The following NUP43 variants were observed in gnomAD, a reference collection of about 807,000 sequenced individuals.
The protein encoded by NUP43 is nucleoporin 43.
NUP43 carries 32 observed loss-of-function variants against 47.3 expected under a neutral mutation model. The ratio of observed to expected loss-of-function variants is 0.68; its 90% confidence interval spans 0.51 to 0.91. The LOEUF (loss-of-function observed/expected upper bound fraction) is 0.91. NUP43 is among the 40% of genes least tolerant of loss of function. The pLI, the probability that NUP43 is intolerant of heterozygous loss-of-function variation, is 0.00. For synonymous variants in NUP43, 147 were observed against 158.4 expected, an observed-to-expected ratio of 0.93 and a Z score of 0.54; for missense variants, 444 against 453.9, an observed-to-expected ratio of 0.98 and a Z score of 0.20.
Position 149,731,682 on chromosome 6 carries a change from C to G in NUP43, c.844G>C (p.Glu282Gln). ...SNPEHLFTCSEDGSLWHWDAS... is the reference protein window; with the variant it reads ...SNPEHLFTCSQDGSLWHWDAS... ...TCCCAGTGCCAGAGGGATCCATCTT[C>G]AGAGCAGGTAAAAAGATGTTCTGGG... The change falls in exon 7 of 8, where the codon GAA (glutamate) becomes CAA (glutamine). Residue 282 changes from glutamate to glutamine, a missense_variant. By Grantham distance (29) the Glu-to-Gln change is conservative. Transcript: ENST00000340413. 2.5e-6 allele frequency: 4 copies of G among 1,613,574 alleles called. No homozygotes were observed. The highest frequency in any genetic ancestry group is 3.4e-6 in the Non-Finnish European group (4 of 1,179,722).
chr6:149,734,476 A>G (rs1355259176), intron 6 of NUP43, among the ~76,000 whole-genome samples: 1 of 151,800 alleles, frequency 6.6e-6, no homozygotes, highest in Non-Finnish European at 1.5e-5. Context: ...CTGCATTCCA[A>G]CCTGGGTGAG....
At chr6:149,742,604 A>G in intron 3 of NUP43, 34 bp from the exon 4 acceptor site, 1 of 1,555,698 alleles carries the variant, frequency 6.4e-7, no homozygotes, top group African/African-American at 1.4e-5. Context: ...TATTAAAGCA[A>G]AGTACTAAGG....
Position 149,731,738 on chromosome 6 carries a change from AAG to A in NUP43, c.791-5_791-4del, listed in dbSNP as rs1785056131. 2 of 1,613,268 alleles carry A rather than the reference AAG, an allele frequency of 1.2e-6. No homozygotes were observed. Among genetic ancestry groups the A allele is most frequent in the Admixed American group, 1.7e-5 (1 of 59,864 alleles). The stretch of plus-strand genomic sequence containing the variant: ...TGGGTGAAAGTGAACTTCCCACACT[AAG>A]AGACAAGAATCAATAAGCTCATTCC... On this transcript the variant is annotated splice_polypyrimidine_tract_variant and splice_region_variant and intron_variant, in intron 6 of 7. Coordinates refer to ENST00000340413, the MANE Select transcript of NUP43 (RefSeq NM_198887.3).
At chr6:149,737,065 T>C (rs980108399) in intron 5 of NUP43, among the ~76,000 whole-genome samples, 6 of 151,954 alleles carry the variant, frequency 3.9e-5, no homozygotes, top group Admixed American at 2.0e-4. Flanking sequence ...CCAAGGCAGG[T>C]GGATGACTTG....
upstream of NUP43, among the ~76,000 whole-genome samples, chr6:149,747,363 T>C (rs1000578883): frequency 1.3e-5 from 2 of 152,036 alleles, no homozygotes; most frequent in African/African-American, 2.4e-5. Flanking sequence ...CTGCAACCTC[T>C]GCCTCCGCCT....
At position 149,727,061 on chromosome 6, in the gene NUP43, G is replaced by GAGACCT; in HGVS notation, c.1045_1050dup (p.Arg349_Ser350dup). Reference sequence around the variant, plus strand: ...AAAACATCCAAAGTGTTCACAGACAGAGACCTACTGGGAAGTAAGCTTGTG... The same window carrying GAGACCT: ...AAAACATCCAAAGTGTTCACAGACAGAGACCTAGACCTACTGGGAAGTAAGCTTGTG... On this transcript the variant is annotated inframe_insertion, in exon 8 of 8. Transcript: ENST00000340413. The GAGACCT allele has an allele frequency of 6.2e-7, 1 of 1,614,158 alleles. No individual in the cohort carries two copies. The highest frequency in any genetic ancestry group is 8.5e-7 in the Non-Finnish European group (1 of 1,180,012).
chr6:149,732,962 C>T (rs941418156), intron 6 of NUP43, among the ~76,000 whole-genome samples: 2 of 151,802 alleles, frequency 1.3e-5, no homozygotes, highest in African/African-American at 4.8e-5. Context: ...ATGTTGTCTA[C>T]CTTGGTCTTC....
At chr6:149,744,053 C>G (rs1028772561) in intron 2 of NUP43, among the ~76,000 whole-genome samples, 1 of 152,072 alleles carries the variant, frequency 6.6e-6, no homozygotes, top group African/African-American at 2.4e-5. Context: ...GTGGACGGAT[C>G]ACTTGAGCTC....
chr6:149,744,854 C>T lies in NUP43; in HGVS notation c.243+1086G>A, dbSNP rs1054993450. 6.6e-5 allele frequency among the ~76,000 whole-genome samples: 10 copies of T among 151,542 alleles called. No homozygotes were observed. The South Asian group carries it at 1.0e-3, about 16-fold the overall frequency. ...TCGTCTCCAAAAAAAAAAAATGTAT[C>T]TTTCCTAGAGCTAGATAGCTTTCTT... On this transcript the variant is annotated intron_variant, in intron 2 of 7. Coordinates refer to ENST00000340413, the MANE Select transcript of NUP43 (RefSeq NM_198887.3).
chr6:149,729,163 G>A (rs949370907), intron 7 of NUP43, among the ~76,000 whole-genome samples: 1 of 151,974 alleles, frequency 6.6e-6, no homozygotes, highest in Non-Finnish European at 1.5e-5. Flanking sequence ...GCTAATTTTT[G>A]TATTTTTAGT....
chr6:149,742,278 G>A (rs1156444319), intron 4 of NUP43, 112 bp downstream of exon 4: 12 of 898,690 alleles, frequency 1.3e-5, no homozygotes, highest in African/African-American at 4.9e-5. Context: ...CACCTGCCTC[G>A]GCCTCCCAAA....
chr6:149,738,832 G>A (rs1785497227), intron 4 of NUP43, 54 bp from the exon 5 acceptor site: 1 of 1,171,318 alleles, frequency 8.5e-7, no homozygotes, highest in Non-Finnish European at 1.1e-6. Context: ...TTTTTCCCAA[G>A]AAAATCTTAA....
At chr6:149,735,803 AAAAC>A (rs1785303922) in intron 6 of NUP43, among the ~76,000 whole-genome samples, 1 of 151,048 alleles carries the variant, frequency 6.6e-6, no homozygotes, top group African/African-American at 2.4e-5. Flanking sequence ...TACAAAAAAA[AAAAC>A]AAACAACAAC....
rs918718139 is a variant in NUP43 at position 149,728,240 on chromosome 6, A to G, written c.914-1042T>C. 1.0e-5 allele frequency: 10 copies of G among 978,828 alleles called. 1 individual carries two copies. Among genetic ancestry groups the G allele is most frequent in the Middle Eastern group, 5.2e-4 (1 of 1,930 alleles). The allele number at this position is 978,828 out of a possible 1,614,324, so 60.6% of individuals were successfully genotyped here. On this transcript the variant is annotated intron_variant, in intron 7 of 7. Transcript: ENST00000340413. ...TATTTTATATGTTTTACTTTTTCAC[A>G]GTGTCTAATACTGTGCCTTGCAATA...
chr6:149,749,224 G>C (rs1786185379), upstream of NUP43: 1 of 152,334 alleles, frequency 6.6e-6, no homozygotes, highest in Admixed American at 6.6e-5. Context: ...GCCAGAGGCC[G>C]GTGTACTCGG....
At chr6:149,738,311 G>T (rs989312527) in intron 5 of NUP43, among the ~76,000 whole-genome samples, 1 of 151,934 alleles carries the variant, frequency 6.6e-6, no homozygotes, top group African/African-American at 2.4e-5. Flanking sequence ...TTTCTGCTCA[G>T]AAAAAATATT....
chr6:149,726,162 C>T lies in NUP43; in HGVS notation c.*807G>A, dbSNP rs960088875. Reference sequence around the variant, plus strand: ...GTGGCTCACACCTGTAATCACAGCACTTTGGGAGGTCGAGGCGGGTGGATC... The same window carrying T: ...GTGGCTCACACCTGTAATCACAGCATTTTGGGAGGTCGAGGCGGGTGGATC... On this transcript the variant is annotated 3_prime_UTR_variant, in exon 8 of 8. Transcript: ENST00000340413. 1.3e-5 allele frequency: 2 copies of T among 152,020 alleles called. No homozygotes were observed. The highest frequency in any genetic ancestry group is 4.8e-5 in the African/African-American group (2 of 41,390). 9.4% of individuals were successfully genotyped at this position (152,020 alleles called of 1,614,324 possible). A position where few individuals can be genotyped will look rare whatever the true frequency, so the allele number is the denominator to read the frequency against.
chr6:149,746,638 G>C (rs1432473455), upstream of NUP43: 2 of 1,589,112 alleles, frequency 1.3e-6, no homozygotes, highest in African/African-American at 2.7e-5. Context: ...TCGATAGCCA[G>C]TGTGGGCACA....
At chr6:149,735,898 TG>T (rs752083917) in intron 6 of NUP43, among the ~76,000 whole-genome samples, 57 of 147,168 alleles carry the variant, frequency 3.9e-4, no homozygotes, top group Non-Finnish European at 7.3e-4. Context: ...ACCTGAGCCC[TG>T]GAAGTCAAGG....
Sources: allele counts gnomAD v4.1 joint callset (sites outside exome capture counted in the v4.1 genomes callset), GRCh38; gene constraint gnomAD v4.1.1; transcripts MANE v1.5; gene names NCBI Gene and HGNC (gene_info 2026-07-23, HGNC 2026-07-21).